Variants in NEK11 observed in about 807,000 individuals in gnomAD.
NEK11 encodes the protein serine/threonine-protein kinase Nek11.
In NEK11, 72 loss-of-function variants were observed where a neutral mutation model predicts 80.7. That is an observed-to-expected ratio of 0.89 (90% confidence interval 0.74 to 1.08). The LOEUF (loss-of-function observed/expected upper bound fraction) is 1.08. Ranked by LOEUF, NEK11 falls within the 50% of genes least tolerant of loss-of-function variation. NEK11 has a pLI of 0.00. For synonymous variants in NEK11, 251 were observed against 260.7 expected (o/e 0.96, Z 0.36); for missense variants, 764 against 763.6 (o/e 1.00, Z -0.01).
chr3:131,038,845 G>A (rs1464008890), intron 3 of NEK11, among the ~76,000 whole-genome samples: 1 of 152,138 alleles, frequency 6.6e-6, no homozygotes, highest in Non-Finnish European at 1.5e-5. Flanking sequence ...TTCTTTCAAT[G>A]TGTTGTTCTG....
At chr3:131,036,010 T>C (rs2065580183) in intron 3 of NEK11, among the ~76,000 whole-genome samples, 1 of 152,224 alleles carries the variant, frequency 6.6e-6, no homozygotes, top group African/African-American at 2.4e-5. Context: ...AGTTCAGATG[T>C]GCATAAAGAA....
intron 17 of NEK11, among the ~76,000 whole-genome samples, chr3:131,323,392 G>GTAAAA (rs1437556420): frequency 6.6e-6 from 1 of 152,174 alleles, no homozygotes. Context: ...TGCAATTTCT[G>GTAAAA]TAAAATGAGG....
chr3:131,332,849 C>A (rs2097114996), intron 17 of NEK11, among the ~76,000 whole-genome samples: 1 of 152,090 alleles, frequency 6.6e-6, no homozygotes, highest in Non-Finnish European at 1.5e-5. Flanking sequence ...ATGCAATCGA[C>A]TGGAAGAAAG....
intron 4 of NEK11, among the ~76,000 whole-genome samples, chr3:131,089,596 G>C (rs1226833408): frequency 6.6e-6 from 1 of 151,954 alleles, no homozygotes; most frequent in South Asian, 2.1e-4. Flanking sequence ...GTGCCACCAC[G>C]CCTGGCTAAT....
chr3:131,050,821 G>C (rs1432247886), intron 3 of NEK11, among the ~76,000 whole-genome samples: 1 of 152,146 alleles, frequency 6.6e-6, no homozygotes, highest in Non-Finnish European at 1.5e-5. Context: ...TTGAACCCAG[G>C]AATTCCAGAC....
chr3:131,177,447 A>C (rs563491444), intron 14 of NEK11, among the ~76,000 whole-genome samples: 1 of 152,344 alleles, frequency 6.6e-6, no homozygotes, highest in African/African-American at 2.4e-5. Flanking sequence ...TCGCTCAATC[A>C]GTGACAGGAG....
At chr3:131,321,757 A>G (rs1298627790) in intron 17 of NEK11, among the ~76,000 whole-genome samples, 4 of 152,314 alleles carry the variant, frequency 2.6e-5, no homozygotes, top group South Asian at 2.1e-4. Flanking sequence ...ATCACTAAAT[A>G]TCAGAGAAAT....
At chr3:131,236,754 G>A (rs1011931250) in intron 15 of NEK11, among the ~76,000 whole-genome samples, 1 of 152,172 alleles carries the variant, frequency 6.6e-6, no homozygotes, top group African/African-American at 2.4e-5. Context: ...TAGGAGTTAC[G>A]ATATTAGCTT....
Position 131,132,808 on chromosome 3 carries a change from TGG to T in NEK11, c.520_520+1del. ...TTCTGAAAAATAATCTCCTTAAAAT[TGG>T]TAAGATTTTAAAAAGTATGAATTCC... On this transcript the variant is annotated splice_donor_variant and coding_sequence_variant, in exon 6 of 18. Transcript: ENST00000383366. LOFTEE classifies it high-confidence loss of function. 1 of 1,400,102 alleles carries T rather than the reference TGG, an allele frequency of 7.1e-7. No individual in the cohort carries two copies. Among genetic ancestry groups the T allele is most frequent in the Non-Finnish European group, 9.9e-7 (1 of 1,010,700 alleles). The allele number at this position is 1,400,102 out of a possible 1,614,324, so 86.7% of individuals were successfully genotyped here.
At chr3:131,190,391 A>G (rs1047711827) in intron 14 of NEK11, among the ~76,000 whole-genome samples, 2 of 152,206 alleles carry the variant, frequency 1.3e-5, no homozygotes, top group African/African-American at 4.8e-5. Flanking sequence ...CAGATCCCTC[A>G]TGAATGGCTT....
intron 14 of NEK11, among the ~76,000 whole-genome samples, chr3:131,197,554 CT>C (rs1173122665): frequency 6.6e-6 from 1 of 152,124 alleles, no homozygotes; most frequent in Non-Finnish European, 1.5e-5. Context: ...CCCTGACTAT[CT>C]GCTTGATAGT....
At chr3:131,073,399 TG>T in intron 3 of NEK11, among the ~76,000 whole-genome samples, 1 of 152,210 alleles carries the variant, frequency 6.6e-6, no homozygotes, top group Non-Finnish European at 1.5e-5. Flanking sequence ...TCACCACAAA[TG>T]GAAATATAAT....
chr3:131,057,882 C>T (rs1489655219), intron 3 of NEK11, among the ~76,000 whole-genome samples: 1 of 152,146 alleles, frequency 6.6e-6, no homozygotes, highest in Non-Finnish European at 1.5e-5. Flanking sequence ...TGCAGAAACT[C>T]TTTAGTTTAA....
chr3:131,223,131 CTT>C (rs958108563), intron 14 of NEK11, among the ~76,000 whole-genome samples: 1 of 152,204 alleles, frequency 6.6e-6, no homozygotes, highest in African/African-American at 2.4e-5. Context: ...TTATCAGACT[CTT>C]TTCCCCTTAG....
At chr3:131,219,075 T>C (rs1049663623) in intron 14 of NEK11, among the ~76,000 whole-genome samples, 41 of 152,212 alleles carry the variant, frequency 2.7e-4, no homozygotes, top group African/African-American at 9.4e-4. Flanking sequence ...ATCATTCTAC[T>C]GTAAAGACAC....
At position 131,342,022 on chromosome 3, in the gene NEK11, T is replaced by G. The variant is rs192671670; in HGVS notation, c.1719-7535T>G. On this transcript the variant is annotated intron_variant, in intron 17 of 17. Coordinates refer to ENST00000383366, the MANE Select transcript of NEK11 (RefSeq NM_024800.5). ...ATTAAAATAATCCTTTTAGAAATGGTTTTTAACAGTATATTAAACCAACAT... is the reference window on the plus strand; with the variant it reads ...ATTAAAATAATCCTTTTAGAAATGGGTTTTAACAGTATATTAAACCAACAT... 2.2e-3 allele frequency among the ~76,000 whole-genome samples: 336 copies of G among 152,322 alleles called. 1 individual carries two copies. Among genetic ancestry groups the G allele is most frequent in the African/African-American group, 7.8e-3 (325 of 41,568 alleles).
chr3:131,252,977 T>C (rs1355307701), intron 16 of NEK11, among the ~76,000 whole-genome samples: 1 of 152,178 alleles, frequency 6.6e-6, no homozygotes, highest in Non-Finnish European at 1.5e-5. Flanking sequence ...TTTTTCCTCT[T>C]TCTTTCTGTG....
chr3:131,121,155 A>T (rs1338442183), intron 5 of NEK11, among the ~76,000 whole-genome samples: 1 of 152,050 alleles, frequency 6.6e-6, no homozygotes, highest in African/African-American at 2.4e-5. Flanking sequence ...TGACGTACAG[A>T]TGGGGTTTTG....
At chr3:131,197,888 C>T (rs1298960832) in intron 14 of NEK11, among the ~76,000 whole-genome samples, 1 of 151,992 alleles carries the variant, frequency 6.6e-6, no homozygotes, top group African/African-American at 2.4e-5. Context: ...TGGCGGTTCC[C>T]TTCTATTTCC....
Sources: allele counts gnomAD v4.1 joint callset (sites outside exome capture counted in the v4.1 genomes callset), GRCh38; gene constraint gnomAD v4.1.1; transcripts MANE v1.5; gene names NCBI Gene and HGNC (gene_info 2026-07-23, HGNC 2026-07-21).